Variants in ADGRV1 observed in about 807,000 individuals in gnomAD.
The protein encoded by ADGRV1 is G-protein coupled receptor 98.
ADGRV1 carries 359 observed loss-of-function variants against 596.2 expected under a neutral mutation model. That is an observed-to-expected ratio of 0.60 (90% CI 0.55 to 0.66). ADGRV1 has a LOEUF of 0.66. Ranked by LOEUF, ADGRV1 falls within the 30% of genes least tolerant of loss-of-function variation. The pLI is 0.00. For synonymous variants in ADGRV1, 2,681 were observed against 2,679.2 expected, an observed-to-expected ratio of 1.00 and a Z score of -0.02; for missense variants, 7,274 against 7,575.6, an observed-to-expected ratio of 0.96 and a Z score of 1.48.
intron 85 of ADGRV1, among the ~76,000 whole-genome samples, chr5:91,065,685 A>G (rs145470149): frequency 2.6e-3 from 395 of 152,304 alleles, no homozygotes; most frequent in African/African-American, 8.9e-3. Flanking sequence ...TTTTAAATCA[A>G]ATTGGGTAAC....
At chr5:90,697,789 C>T (rs537110792) in intron 34 of ADGRV1, among the ~76,000 whole-genome samples, 15 of 151,790 alleles carry the variant, frequency 9.9e-5, no homozygotes, top group African/African-American at 2.4e-4. Flanking sequence ...TTTTTGTCTT[C>T]GAGTAAGCCT....
intron 87 of ADGRV1, among the ~76,000 whole-genome samples, chr5:91,108,599 CT>C (rs149909768): frequency 6.9e-4 from 105 of 151,926 alleles, no homozygotes; most frequent in Non-Finnish European, 1.0e-3. Flanking sequence ...TCTCTACAGT[CT>C]TTTTTTTCCT....
intron 77 of ADGRV1, among the ~76,000 whole-genome samples, chr5:90,838,825 A>G (rs1765185096): frequency 6.6e-6 from 1 of 152,150 alleles, no homozygotes; most frequent in Admixed American, 6.5e-5. Flanking sequence ...CAGGAGTTGG[A>G]TACCAGCCTT....
Position 90,686,163 on chromosome 5 carries a change from G to T in ADGRV1, c.6490+168G>T, listed in dbSNP as rs10062423. Among the ~76,000 whole-genome samples the T allele has an allele frequency of 0.19, 23,608 of 125,872 alleles. 2,951 individuals are homozygous for T. Among genetic ancestry groups the T allele is most frequent in the African/African-American group, 0.41 (13,969 of 34,096 alleles). The allele number at this position is 125,872 out of a possible 152,430, so 82.6% of individuals were successfully genotyped here. A position where few individuals can be genotyped will look rare whatever the true frequency, so the allele number is the denominator to read the frequency against. On this transcript the variant is annotated intron_variant, in intron 29 of 89. Coordinates refer to ENST00000405460, the MANE Select transcript of ADGRV1 (RefSeq NM_032119.4). The stretch of plus-strand genomic sequence containing the variant: ...GGACAAATCTAGAGTCTTTTTTTTT[G>T]GGGGGGGGGATGGAGTCTCGCTTGA...
In ADGRV1 at chr5:90,712,387, C is replaced by T; in HGVS notation, c.9143C>T (p.Thr3048Ile). 1.9e-6 allele frequency: 3 copies of T among 1,589,234 alleles called. No homozygotes were observed. The highest frequency in any genetic ancestry group is 2.6e-6 in the Non-Finnish European group (3 of 1,164,772). ...GATGAAAAATTTCAGCTGATTTTAACAAATCCTTCTCCTGGACTAGAGCTA... is the reference window on the plus strand; with the variant it reads ...GATGAAAAATTTCAGCTGATTTTAATAAATCCTTCTCCTGGACTAGAGCTA... ...EGDEKFQLILTNPSPGLELGK... is the reference protein window; with the variant it reads ...EGDEKFQLILINPSPGLELGK... The change falls in exon 42 of 90, where the codon ACA (threonine) becomes ATA (isoleucine). Residue 3048 changes from threonine (T) to isoleucine (I), a missense_variant. Physicochemically the swap from Thr to Ile is moderately conservative, Grantham distance 89. Coordinates refer to ENST00000405460, the MANE Select transcript of ADGRV1 (RefSeq NM_032119.4).
At chr5:90,899,939 C>T (rs1261596070) in intron 83 of ADGRV1, among the ~76,000 whole-genome samples, 1 of 152,128 alleles carries the variant, frequency 6.6e-6, no homozygotes, top group Non-Finnish European at 1.5e-5. Flanking sequence ...TGAGATGACA[C>T]CCCTTGCATC....
intron 59 of ADGRV1, among the ~76,000 whole-genome samples, chr5:90,766,999 G>A (rs1757215733): frequency 6.6e-6 from 1 of 152,152 alleles, no homozygotes; most frequent in Non-Finnish European, 1.5e-5. Context: ...CTAACCACAG[G>A]ACAGTGGTAT....
At chr5:90,777,095 T>C (rs1017981364) in intron 61 of ADGRV1, among the ~76,000 whole-genome samples, 5 of 152,172 alleles carry the variant, frequency 3.3e-5, no homozygotes, top group Non-Finnish European at 5.9e-5. Flanking sequence ...TTCTGCAGGC[T>C]GTACAGGAAG....
intron 89 of ADGRV1, 53 bp downstream of exon 89, chr5:91,153,451 AATTTATATTTTCTTTCCATG>A (rs1243371349): frequency 4.6e-5 from 61 of 1,327,662 alleles, no homozygotes; most frequent in Non-Finnish European, 3.0e-5. Context: ...GCTATGTTAC[AATTTATATTTTCTTTCCATG>A]AAGTTGCAAA....
chr5:91,161,254 C>T (rs764342674), intron 89 of ADGRV1, among the ~76,000 whole-genome samples: 5 of 152,164 alleles, frequency 3.3e-5, no homozygotes, highest in Admixed American at 2.0e-4. Context: ...CCACATAACA[C>T]GGTTCTCCTG....
At position 90,644,668 on chromosome 5, in the gene ADGRV1, A is replaced by G. The variant is rs543492733; in HGVS notation, c.2735-38A>G. ...TTACTCATCATTTTAAAAGTTTCGT[A>G]TGTCTTCATATGTATTATGTATGTT... On this transcript the variant is annotated intron_variant, in intron 14 of 89. Transcript: ENST00000405460. The G allele has an allele frequency of 1.7e-5, 25 of 1,514,936 alleles. No homozygotes were observed. The East Asian group carries it at 4.7e-4, about 29-fold the overall frequency. The allele number at this position is 1,514,936 out of a possible 1,614,324, so 93.8% of individuals were successfully genotyped here.
intron 85 of ADGRV1, among the ~76,000 whole-genome samples, chr5:91,007,216 A>G (rs1782351639): frequency 6.6e-6 from 1 of 152,232 alleles, no homozygotes; most frequent in Non-Finnish European, 1.5e-5. Flanking sequence ...GGAAGGGGCC[A>G]TGCAAGTGAG....
intron 1 of ADGRV1, among the ~76,000 whole-genome samples, chr5:90,599,623 T>TA (rs1761151844): frequency 6.6e-6 from 1 of 152,176 alleles, no homozygotes; most frequent in African/African-American, 2.4e-5. Context: ...TCTTTTTTTT[T>TA]ATTTATAAAC....
chr5:91,058,495 T>G (rs1291160176), intron 85 of ADGRV1, among the ~76,000 whole-genome samples: 1 of 151,902 alleles, frequency 6.6e-6, no homozygotes, highest in African/African-American at 2.4e-5. Context: ...TGCCCTCTTT[T>G]TGGAAGCTTT....
intron 85 of ADGRV1, among the ~76,000 whole-genome samples, chr5:91,067,824 TG>T (rs1788015646): frequency 6.6e-6 from 1 of 152,174 alleles, no homozygotes; most frequent in African/African-American, 2.4e-5. Flanking sequence ...ATAATTCACA[TG>T]AAAAAAATAA....
chr5:90,686,288 T>C (rs1275317339), intron 29 of ADGRV1, among the ~76,000 whole-genome samples: 1 of 152,062 alleles, frequency 6.6e-6, no homozygotes, highest in Non-Finnish European at 1.5e-5. Flanking sequence ...TATGTATACA[T>C]GTGCCATGCT....
At chr5:91,081,538 C>A (rs992226523) in intron 86 of ADGRV1, among the ~76,000 whole-genome samples, 2 of 152,114 alleles carry the variant, frequency 1.3e-5, no homozygotes, top group African/African-American at 2.4e-5. Context: ...AATCCCAGCA[C>A]TTTGAGAGGC....
At chr5:90,783,720 A>T (rs901803838) in intron 66 of ADGRV1, 118 bp from the exon 67 acceptor site, 2 of 684,182 alleles carry the variant, frequency 2.9e-6, no homozygotes, top group Non-Finnish European at 4.9e-6. Flanking sequence ...TTACCACTTG[A>T]TGTGTGACTA....
At position 90,734,877 on chromosome 5, in the gene ADGRV1, G is replaced by T. The variant is rs576575863; in HGVS notation, c.10549+5113G>T. Among the ~76,000 whole-genome samples, 9 of 152,226 alleles carry T rather than the reference G, an allele frequency of 5.9e-5. No individual in the cohort carries two copies. The South Asian group carries it at 1.9e-3, about 32-fold the overall frequency. ...CCGGCCTAGCCTATTTTTTAATTGG[G>T]TTGTTTCCTTGCTATTGAGTTATTT... is the stretch of plus-strand genomic sequence containing the variant. On this transcript the variant is annotated intron_variant, in intron 50 of 89. Coordinates refer to ENST00000405460, the MANE Select transcript of ADGRV1 (RefSeq NM_032119.4).
Sources: gnomAD v4.1 joint callset for allele counts (sites outside exome capture counted in the v4.1 genomes callset) on GRCh38, gnomAD v4.1.1 for gene constraint, MANE v1.5 for transcripts, NCBI Gene and HGNC (gene_info 2026-07-23, HGNC 2026-07-21) for gene names.